MAP7: variants seen among roughly 807,000 people sequenced by gnomAD.
MAP7 encodes the protein microtubule associated protein 7, also known as ensconsin.
A neutral mutation model predicts 94.8 loss-of-function variants in MAP7; 52 were observed. The observed-to-expected ratio is 0.55, with a 90% CI of 0.44 to 0.69. MAP7 has a LOEUF of 0.69. Among genes scored for constraint, MAP7 ranks in the 30% least tolerant of loss-of-function variants. The pLI is 0.00. For missense variants in MAP7, 940 were observed against 964.6 expected (o/e 0.97, Z 0.34); for synonymous variants, 350 against 357.0 (o/e 0.98, Z 0.22).
At chr6:136,368,054 G>C (rs1180603822) in intron 8 of MAP7, among the ~76,000 whole-genome samples, 1 of 151,838 alleles carries the variant, frequency 6.6e-6, no homozygotes, top group African/African-American at 2.4e-5. Context: ...CCTATATAAA[G>C]GTATATAATC....
intron 1 of MAP7, among the ~76,000 whole-genome samples, chr6:136,441,092 T>C (rs1797726818): frequency 6.6e-6 from 1 of 152,244 alleles, no homozygotes; most frequent in Non-Finnish European, 1.5e-5. Context: ...TCCATTCATC[T>C]GTTGATGAAC....
Position 136,356,753 on chromosome 6 carries a change from C to A in MAP7, c.1954G>T (p.Gly652Ter). ...ACATGTGGGCTGCCAACTGGCTTTC[C>A]ATTTCCCGGAGCGTTTGTTGTACAT... ...LPCTTNAPGN[G>*]KPVGSPHVVT... The change falls in exon 16 of 18, where the codon GGA (glycine) becomes TGA (stop). Residue 652 changes from glycine to a stop codon, truncating the protein, a stop_gained. Transcript: ENST00000354570. LOFTEE classifies it high-confidence loss of function. 1 of 1,614,164 alleles carries A rather than the reference C, an allele frequency of 6.2e-7. No homozygotes were observed. The highest frequency in any genetic ancestry group is 8.5e-7 in the Non-Finnish European group (1 of 1,180,026).
In MAP7 at chr6:136,414,803, A is replaced by C. The variant is rs367649342; in HGVS notation, c.167-3106T>G. ...ACTGCAGGTGTGCACAACCACAATC[A>C]GCTAATTTTTTTTTTTTTTTTTTTT... On this transcript the variant is annotated intron_variant, in intron 2 of 17. Transcript: ENST00000354570. Among the ~76,000 whole-genome samples the C allele has an allele frequency of 8.2e-5, 12 of 146,798 alleles. No individual in the cohort carries two copies. The East Asian group carries it at 1.6e-3, about 19-fold the overall frequency.
At position 136,394,931 on chromosome 6, in the gene MAP7, CAT is replaced by C. The variant is rs144839767; in HGVS notation, c.245-5416_245-5415del. Among the ~76,000 whole-genome samples the C allele has an allele frequency of 8.4e-3, 232 of 27,484 alleles. 2 individuals are homozygous for C. Among genetic ancestry groups the C allele is most frequent in the South Asian group, 0.016 (7 of 434 alleles). The allele number at this position is 27,484 out of a possible 152,430, so 18.0% of individuals were successfully genotyped here. A position where few individuals can be genotyped will look rare whatever the true frequency, so the allele number is the denominator to read the frequency against. Reference sequence around the variant, plus strand: ...TTTTTATGGTTGAATAATATTCCATCATATATATATATATATATATATATATA... The same window carrying C: ...TTTTTATGGTTGAATAATATTCCATCATATATATATATATATATATATATA... On this transcript the variant is annotated intron_variant, in intron 3 of 17. Coordinates refer to ENST00000354570, the MANE Select transcript of MAP7 (RefSeq NM_003980.6).
intron 1 of MAP7, among the ~76,000 whole-genome samples, chr6:136,472,311 A>AGC (rs777038439): frequency 8.5e-5 from 13 of 152,160 alleles, no homozygotes; most frequent in Non-Finnish European, 1.8e-4. Context: ...CTGGAGTCCT[A>AGC]TGTTAGGTTA....
chr6:136,431,705 A>G (rs958946737), intron 1 of MAP7, among the ~76,000 whole-genome samples: 11 of 152,082 alleles, frequency 7.2e-5, no homozygotes, highest in South Asian at 2.1e-4. Flanking sequence ...TTTAGTAGAG[A>G]CGGGGTTTCA....
At chr6:136,514,759 G>C (rs1424949981) in intron 1 of MAP7, among the ~76,000 whole-genome samples, 1 of 152,070 alleles carries the variant, frequency 6.6e-6, no homozygotes, top group African/African-American at 2.4e-5. Context: ...ATAAACAGAC[G>C]TGCTGTCATC....
intron 6 of MAP7, among the ~76,000 whole-genome samples, chr6:136,381,919 C>CACAGAGAG (rs373754692): frequency 3.6e-4 from 37 of 103,034 alleles, no homozygotes; most frequent in Non-Finnish European, 4.6e-4. Context: ...CACACACACA[C>CACAGAGAG]AGAGAGAGAG....
chr6:136,450,093 G>A (rs1330319575), intron 1 of MAP7, among the ~76,000 whole-genome samples: 3 of 152,160 alleles, frequency 2.0e-5, no homozygotes, highest in Non-Finnish European at 4.4e-5. Flanking sequence ...GAAGGCTGAG[G>A]CAGTAGCTTG....
chr6:136,483,554 C>T (rs1423893798), intron 1 of MAP7, among the ~76,000 whole-genome samples: 3 of 151,838 alleles, frequency 2.0e-5, no homozygotes, highest in Non-Finnish European at 4.4e-5. Context: ...TAAACCAAGG[C>T]CACTGAATCC....
chr6:136,494,047 T>C (rs1273116040), intron 1 of MAP7, among the ~76,000 whole-genome samples: 1 of 152,202 alleles, frequency 6.6e-6, no homozygotes, highest in South Asian at 2.1e-4. Context: ...ACCACTTTTC[T>C]TTTTTAGAGG....
intron 3 of MAP7, among the ~76,000 whole-genome samples, chr6:136,392,818 C>A (rs748217509): frequency 6.6e-6 from 1 of 152,116 alleles, no homozygotes; most frequent in Non-Finnish European, 1.5e-5. Context: ...TACTTTTTAA[C>A]TTTTAGCCTT....
chr6:136,344,245 G>A lies in MAP7; in HGVS notation c.2240-7C>T, dbSNP rs557124315. 22 of 1,315,916 alleles carry A rather than the reference G, an allele frequency of 1.7e-5. No individual in the cohort carries two copies. The East Asian group carries it at 3.0e-4, about 18-fold the overall frequency. 81.5% of individuals were successfully genotyped at this position (1,315,916 alleles called of 1,614,324 possible). A position where few individuals can be genotyped will look rare whatever the true frequency, so the allele number is the denominator to read the frequency against. On this transcript the variant is annotated splice_region_variant and splice_polypyrimidine_tract_variant and intron_variant, in intron 17 of 17. Coordinates refer to ENST00000354570, the MANE Select transcript of MAP7 (RefSeq NM_003980.6). Reference sequence around the variant, plus strand: ...AGAAACACTCATATAACTTCTACATGAAGAGACAGAAAAAGAACAAGATTA... The same window carrying A: ...AGAAACACTCATATAACTTCTACATAAAGAGACAGAAAAAGAACAAGATTA...
chr6:136,456,744 A>AAGGAGGAGG (rs1238757592), intron 1 of MAP7, among the ~76,000 whole-genome samples: 50 of 67,428 alleles, frequency 7.4e-4, no homozygotes, highest in Non-Finnish European at 1.1e-3. Flanking sequence ...GGAAGAGGAG[A>AAGGAGGAGG]AGGAGGAGGA....
rs1554259490 is a variant in MAP7 at position 136,456,822 on chromosome 6, G to GAAGAAGAAGAAGAA, written c.68-35024_68-35023insTTCTTCTTCTTCTT. ...AGAAGAAGAAGAAGAAGAAGAAGAA[G>GAAGAAGAAGAAGAA]GAAGAAGAAGAAGAAGAAGAAGAAG... On this transcript the variant is annotated intron_variant, in intron 1 of 17. Coordinates refer to ENST00000354570, the MANE Select transcript of MAP7 (RefSeq NM_003980.6). Among the ~76,000 whole-genome samples the GAAGAAGAAGAAGAA allele has an allele frequency of 2.9e-3, 203 of 68,914 alleles. 3 individuals carry two copies. The highest frequency in any genetic ancestry group is 0.016 in the Middle Eastern group (2 of 122). 45.2% of individuals were successfully genotyped at this position (68,914 alleles called of 152,430 possible). A position where few individuals can be genotyped will look rare whatever the true frequency, so the allele number is the denominator to read the frequency against.
rs558484967 is a variant in MAP7, at chr6:136,411,076, A to G, written c.244+544T>C. On this transcript the variant is annotated intron_variant, in intron 3 of 17. Coordinates refer to ENST00000354570, the MANE Select transcript of MAP7 (RefSeq NM_003980.6). ...TGACTGTACAATCTCTAAGTGCTCT[A>G]GTCTCAGCTTCTGCTAAGATAGTCC... is the stretch of plus-strand genomic sequence containing the variant. Among the ~76,000 whole-genome samples the G allele has an allele frequency of 7.2e-5, 11 of 152,366 alleles. No homozygotes were observed. The East Asian group carries it at 2.1e-3, about 29-fold the overall frequency.
At chr6:136,481,530 T>C (rs1812853863) in intron 1 of MAP7, among the ~76,000 whole-genome samples, 1 of 152,226 alleles carries the variant, frequency 6.6e-6, no homozygotes, top group Non-Finnish European at 1.5e-5. Context: ...AGACTTTGTG[T>C]GTTCTCATTT....
intron 2 of MAP7, chr6:136,420,327 G>A (rs548309304): frequency 7.9e-5 from 56 of 708,064 alleles, no homozygotes; most frequent in South Asian, 7.0e-4. Context: ...AACACCACCC[G>A]CTTGCCCTGC....
At chr6:136,501,402 T>C (rs1216577334) in intron 1 of MAP7, among the ~76,000 whole-genome samples, 1 of 152,200 alleles carries the variant, frequency 6.6e-6, no homozygotes. Context: ...TCTTGCTAGT[T>C]ACTTCACCCT....
Sources: allele counts gnomAD v4.1 joint callset (sites outside exome capture counted in the v4.1 genomes callset), GRCh38; gene constraint gnomAD v4.1.1; transcripts MANE v1.5; gene names NCBI Gene and HGNC (gene_info 2026-07-23, HGNC 2026-07-21).